The following GRIA3 variants were observed in gnomAD, a reference collection of about 807,000 sequenced individuals.
GRIA3 encodes the protein glutamate ionotropic receptor AMPA type subunit 3.
Under a neutral mutation model 63.0 loss-of-function variants are expected in GRIA3, and 3 were observed. That is an observed-to-expected ratio of 0.05 (90% CI 0.02 to 0.12). The LOEUF is 0.12. GRIA3 is among the 10% of genes least tolerant of loss of function. GRIA3 has a pLI of 1.00. For missense variants in GRIA3, 347 were observed against 700.9 expected (o/e 0.50, Z 5.70); for synonymous variants, 274 against 257.9 (o/e 1.06, Z -0.60).
rs1054169437 is a variant in GRIA3, at chrX:123,253,295, C to T, written c.269-8C>T. On this transcript the variant is annotated splice_region_variant and splice_polypyrimidine_tract_variant and intron_variant, in intron 2 of 15. Transcript: ENST00000620443. ...CTATTGAATCTTTTTCTCTTTTTCT[C>T]ATTGCAGTCTGCTCCCAGTTCTCGA... 1.7e-6 allele frequency: 2 copies of T among 1,207,816 alleles called. No individual in the cohort carries two copies. The highest frequency in any genetic ancestry group is 3.0e-5 in the East Asian group (1 of 33,763).
chrX:123,415,139 T>G (rs1603142776), intron 10 of GRIA3, among the ~76,000 whole-genome samples: 1 of 112,052 alleles, frequency 8.9e-6, no homozygotes, highest in East Asian at 2.8e-4. Context: ...GGTATCTCAT[T>G]GTGGTTTTGA....
intron 3 of GRIA3, among the ~76,000 whole-genome samples, chrX:123,278,711 C>G (rs2044568823): frequency 8.9e-6 from 1 of 112,248 alleles, no homozygotes; most frequent in African/African-American, 3.2e-5. Context: ...CTCTTGGCAT[C>G]TTGGCCAAAA....
intron 3 of GRIA3, among the ~76,000 whole-genome samples, chrX:123,310,022 C>T (rs2044779900): frequency 8.9e-6 from 1 of 112,531 alleles, no homozygotes; most frequent in South Asian, 3.7e-4. Flanking sequence ...GGAACTGAAC[C>T]ATTTTGTTAA....
chrX:123,480,076 C>G lies in GRIA3; in HGVS notation c.2338C>G (p.Leu780Val). The change falls in exon 14 of 16, where the codon CTT becomes GTT. Residue 780 changes from leucine (L) to valine (V), a missense_variant. Transcript: ENST00000620443. ...KGSALRTPVN[L>V]AVLKLSEQGI... is the part of the protein sequence containing the mutation. The stretch of plus-strand genomic sequence containing the variant: ...TCCCACGTGAAGAACGCCTGTAAAC[C>G]TTGCAGTATTGAAACTCAGTGAACA... 8.5e-7 allele frequency: 1 copy of G among 1,182,140 alleles called. No individual in the cohort carries two copies. Among genetic ancestry groups the G allele is most frequent in the Non-Finnish European group, 1.2e-6 (1 of 868,774 alleles).
At chrX:123,261,547 T>C (rs913115176) in intron 3 of GRIA3, among the ~76,000 whole-genome samples, 3 of 112,001 alleles carry the variant, frequency 2.7e-5, no homozygotes, top group Non-Finnish European at 5.6e-5. Flanking sequence ...AGAGACAAAT[T>C]AAGCTAAAAT....
intron 12 of GRIA3, among the ~76,000 whole-genome samples, chrX:123,456,913 G>A (rs1170437558): frequency 1.8e-5 from 2 of 111,335 alleles, no homozygotes; most frequent in East Asian, 5.6e-4. Context: ...TTACCACCTA[G>A]ACACCTGAGC....
In GRIA3 at chrX:123,407,698, G is replaced by GGA. The variant is rs750438519; in HGVS notation, c.1500+2785_1500+2786insAG. Among the ~76,000 whole-genome samples the GGA allele has an allele frequency of 1.2e-4, 10 of 85,256 alleles. 1 individual carries two copies. The South Asian group carries it at 6.9e-3, about 58-fold the overall frequency. 74.0% of individuals were successfully genotyped at this position (85,256 alleles called of 115,157 possible). A position where few individuals can be genotyped will look rare whatever the true frequency, so the allele number is the denominator to read the frequency against. ...CAACATATGACTTGGTTGCGGGGGG[G>GGA]GGGGGGACGTGGGGACACAAATATT... On this transcript the variant is annotated intron_variant, in intron 10 of 15. Coordinates refer to ENST00000620443, the MANE Select transcript of GRIA3 (RefSeq NM_007325.5).
chrX:123,229,721 A>G (rs764418152), intron 2 of GRIA3, among the ~76,000 whole-genome samples: 2 of 112,179 alleles, frequency 1.8e-5, no homozygotes, highest in Non-Finnish European at 3.8e-5. Context: ...CATCACAGAA[A>G]TCCCCAGTCT....
At chrX:123,482,613 A>G (rs2045917369) in intron 14 of GRIA3, 186 bp from the exon 15 acceptor site, 2 of 497,886 alleles carry the variant, frequency 4.0e-6, no homozygotes, top group Admixed American at 5.6e-5. Context: ...CTGTTAACAG[A>G]GGCACAATCT....
intron 3 of GRIA3, among the ~76,000 whole-genome samples, chrX:123,325,009 C>T (rs1190749503): frequency 2.7e-5 from 3 of 112,003 alleles, no homozygotes; most frequent in Non-Finnish European, 5.6e-5. Flanking sequence ...CCCTATCACC[C>T]ACTCCCATTA....
chrX:123,482,616 C>T lies in GRIA3; in HGVS notation c.2440-183C>T, dbSNP rs1006237741. 6.6e-5 allele frequency: 33 copies of T among 501,931 alleles called. No homozygotes were observed. The East Asian group carries it at 1.1e-3, about 17-fold the overall frequency. The allele number at this position is 501,931 out of a possible 1,213,427, so 41.4% of individuals were successfully genotyped here. On this transcript the variant is annotated intron_variant, in intron 14 of 15. Coordinates refer to ENST00000620443, the MANE Select transcript of GRIA3 (RefSeq NM_007325.5). ...TGAGGATCAAGACTGTTAACAGAGG[C>T]ACAATCTACCGTCTTGCTGGTCATT...
chrX:123,358,992 G>A (rs1264471456), intron 5 of GRIA3, among the ~76,000 whole-genome samples: 1 of 111,524 alleles, frequency 9.0e-6, no homozygotes, highest in Admixed American at 9.6e-5. Flanking sequence ...AAAGCACGAG[G>A]CTAGGAGGTA....
At chrX:123,218,421 AG>A (rs1420594925) in intron 2 of GRIA3, among the ~76,000 whole-genome samples, 2 of 111,955 alleles carry the variant, frequency 1.8e-5, no homozygotes, top group East Asian at 5.6e-4. Flanking sequence ...TATCTAAGAA[AG>A]CATCTAATGA....
chrX:123,312,460 T>C (rs929071544), intron 3 of GRIA3, among the ~76,000 whole-genome samples: 4 of 111,996 alleles, frequency 3.6e-5, no homozygotes, highest in Non-Finnish European at 5.6e-5. Flanking sequence ...GAGTAAATCA[T>C]GAGAGATGGA....
intron 2 of GRIA3, among the ~76,000 whole-genome samples, chrX:123,239,899 G>A (rs186105375): frequency 6.0e-4 from 67 of 112,157 alleles, no homozygotes; most frequent in African/African-American, 2.0e-3. Flanking sequence ...ACAGACATGA[G>A]ACACACATTT....
intron 3 of GRIA3, among the ~76,000 whole-genome samples, chrX:123,320,783 T>C: frequency 8.9e-6 from 1 of 111,919 alleles, no homozygotes; most frequent in East Asian, 2.8e-4. Flanking sequence ...TGTGCAACCC[T>C]CAGAAAGTGC....
At chrX:123,360,849 TCTCTCTCACA>T (rs1443847889) in intron 5 of GRIA3, among the ~76,000 whole-genome samples, 65 of 28,026 alleles carry the variant, frequency 2.3e-3, no homozygotes, top group African/African-American at 7.5e-3. Context: ...TCTCTCTCTC[TCTCTCTCACA>T]CACACACACA....
At chrX:123,299,630 T>G (rs1357226369) in intron 3 of GRIA3, among the ~76,000 whole-genome samples, 1 of 111,518 alleles carries the variant, frequency 9.0e-6, no homozygotes, top group South Asian at 3.8e-4. Context: ...GCTTTGGGGC[T>G]GAGACTATGG....
intron 5 of GRIA3, among the ~76,000 whole-genome samples, chrX:123,377,881 A>C (rs2147366714): frequency 8.9e-6 from 1 of 112,095 alleles, no homozygotes; most frequent in Admixed American, 9.5e-5. Flanking sequence ...GGTGTCTTGC[A>C]TGATGAAAAA....
Sources: gnomAD v4.1 joint callset for allele counts (sites outside exome capture counted in the v4.1 genomes callset) on GRCh38, gnomAD v4.1.1 for gene constraint, MANE v1.5 for transcripts, NCBI Gene and HGNC (gene_info 2026-07-23, HGNC 2026-07-21) for gene names.